The following TRAF3 variants were observed in gnomAD, a reference collection of about 807,000 sequenced individuals.
TRAF3 encodes the protein TNF receptor-associated factor 3.
In TRAF3, 13 loss-of-function variants were observed where a neutral mutation model predicts 62.3. The ratio of observed to expected loss-of-function variants is 0.21; its 90% CI spans 0.14 to 0.33. TRAF3 has a LOEUF of 0.33. Among genes scored for constraint, TRAF3 ranks in the 10% least tolerant of loss-of-function variants. The probability of loss-of-function intolerance (pLI) is 1.00; values close to 1 mark genes in which losing one functional copy is unlikely to be tolerated. For synonymous variants in TRAF3, 269 were observed against 283.4 expected (o/e 0.95, Z 0.51); for missense variants, 440 against 741.8 (o/e 0.59, Z 4.73).
Position 102,886,108 on chromosome 14 carries a change from G to C in TRAF3, c.571-81G>C, listed in dbSNP as rs993458217. On this transcript the variant is annotated intron_variant, in intron 6 of 11. Coordinates refer to ENST00000392745, the MANE Select transcript of TRAF3 (RefSeq NM_145725.3). Reference sequence around the variant, plus strand: ...AGCGATGGTGAGCAGAGCCATTCCTGGGGGCCCCATGGGGATCTCAGCGGG... The same window carrying C: ...AGCGATGGTGAGCAGAGCCATTCCTCGGGGCCCCATGGGGATCTCAGCGGG... 6.3e-6 allele frequency: 9 copies of C among 1,424,546 alleles called. No homozygotes were observed. In the East Asian group the frequency reaches 7.1e-5, roughly 11 times the overall value. 88.2% of individuals were successfully genotyped at this position (1,424,546 alleles called of 1,614,324 possible).
chr14:102,846,970 C>A (rs1312356096), intron 2 of TRAF3, among the ~76,000 whole-genome samples: 1 of 152,118 alleles, frequency 6.6e-6, no homozygotes, highest in African/African-American at 2.4e-5. Flanking sequence ...GTAATAACTT[C>A]ATGAAACGGT....
intron 2 of TRAF3, among the ~76,000 whole-genome samples, chr14:102,848,229 C>T (rs182967226): frequency 3.0e-4 from 46 of 152,182 alleles, no homozygotes; most frequent in Non-Finnish European, 4.6e-4. Flanking sequence ...CCCAAGAGTT[C>T]GATACCAGCC....
At chr14:102,803,538 C>G (rs988331615) in intron 1 of TRAF3, among the ~76,000 whole-genome samples, 1 of 151,770 alleles carries the variant, frequency 6.6e-6, no homozygotes, top group Admixed American at 6.6e-5. Context: ...TTTTAGTTAT[C>G]TAGGACTATA....
chr14:102,903,188 T>A lies in TRAF3; in HGVS notation c.961-67T>A, dbSNP rs752921541. The A allele has an allele frequency of 6.2e-7, 1 of 1,606,910 alleles. No homozygotes were observed. The highest frequency in any genetic ancestry group is 8.5e-7 in the Non-Finnish European group (1 of 1,173,916). On this transcript the variant is annotated intron_variant, in intron 10 of 11. Coordinates refer to ENST00000392745, the MANE Select transcript of TRAF3 (RefSeq NM_145725.3). This position sits in a 1 kb window ranked among gnomAD's most constrained non-coding sequence, Gnocchi z 6.4. ...CTGCTCCTAGCCTGTCTGTATTTGA[T>A]GGAAGGTGGTGCAGCATTTTCCGAG...
At chr14:102,794,979 A>G (rs917070096) in intron 1 of TRAF3, among the ~76,000 whole-genome samples, 2 of 152,182 alleles carry the variant, frequency 1.3e-5, no homozygotes, top group Admixed American at 6.5e-5. Context: ...TTTATTTTAA[A>G]TAATATTGTG....
chr14:102,870,988 C>T (rs1338380233), intron 3 of TRAF3, among the ~76,000 whole-genome samples: 1 of 152,234 alleles, frequency 6.6e-6, no homozygotes, highest in African/African-American at 2.4e-5. Flanking sequence ...TGAAGGCAGG[C>T]TGGAGCTTTA....
At chr14:102,811,016 A>G (rs1446435560) in intron 1 of TRAF3, among the ~76,000 whole-genome samples, 1 of 152,242 alleles carries the variant, frequency 6.6e-6, no homozygotes, top group Non-Finnish European at 1.5e-5. Flanking sequence ...GAGAAAACAC[A>G]TAAAGATAAA....
chr14:102,904,954 A>T (rs1405915859), intron 11 of TRAF3, among the ~76,000 whole-genome samples: 3 of 152,012 alleles, frequency 2.0e-5, no homozygotes, highest in African/African-American at 7.2e-5. Flanking sequence ...CCTACTAAAA[A>T]TACAAAAATT....
rs1433298737 is a variant in TRAF3, at chr14:102,805,059, G to T, written c.-156-25275G>T. Among the ~76,000 whole-genome samples, 3 of 152,122 alleles carry T rather than the reference G, an allele frequency of 2.0e-5. No homozygotes were observed. The East Asian group carries it at 5.8e-4, about 29-fold the overall frequency. On this transcript the variant is annotated intron_variant, in intron 1 of 11. Coordinates refer to ENST00000392745, the MANE Select transcript of TRAF3 (RefSeq NM_145725.3). Reference sequence around the variant, plus strand: ...CACATCTTTAATGCCTTAATTACTTGCCTTCAGTTTTCTTTCCTTTTGGTG... The same window carrying T: ...CACATCTTTAATGCCTTAATTACTTTCCTTCAGTTTTCTTTCCTTTTGGTG...
In TRAF3 at chr14:102,828,683, C is replaced by T. The variant is rs188875745; in HGVS notation, c.-156-1651C>T. 2.6e-3 allele frequency among the ~76,000 whole-genome samples: 394 copies of T among 152,254 alleles called. 2 individuals carry two copies. The highest frequency in any genetic ancestry group is 4.2e-3 in the Non-Finnish European group (287 of 68,016). Reference sequence around the variant, plus strand: ...AGGTAAAGAATTATGATTGAATAGACCTCTTTTGAACCTAAGAAATAAAAC... The same window carrying T: ...AGGTAAAGAATTATGATTGAATAGATCTCTTTTGAACCTAAGAAATAAAAC... On this transcript the variant is annotated intron_variant, in intron 1 of 11. Transcript: ENST00000392745.
At position 102,870,437 on chromosome 14, in the gene TRAF3, C is replaced by A; in HGVS notation, c.236C>A (p.Ala79Asp). 1.9e-6 allele frequency: 3 copies of A among 1,613,612 alleles called. No individual in the cohort carries two copies. The highest frequency in any genetic ancestry group is 2.5e-6 in the Non-Finnish European group (3 of 1,179,932). ...GHRFCESCMA[A>D]LLSSSSPKCT... ...CGCTTCTGCGAGAGCTGCATGGCGG[C>A]CCTGCTGAGGTAGGCGCCCTCGCCC... Residue 79 changes from alanine (A) to aspartate (D), a missense_variant, in exon 3 of 12, where the codon GCC (alanine) becomes GAC (aspartate). By Grantham distance (126) the Ala-to-Asp change is moderately radical. Transcript: ENST00000392745.
At chr14:102,865,981 A>G (rs984157481) in intron 2 of TRAF3, 2 of 152,252 alleles carry the variant, frequency 1.3e-5, no homozygotes, top group African/African-American at 4.8e-5. Context: ...ATGCACACAT[A>G]TGTTTATTGC....
At chr14:102,866,850 A>AACACACACACAC (rs538121314) in intron 2 of TRAF3, among the ~76,000 whole-genome samples, 30 of 132,278 alleles carry the variant, frequency 2.3e-4, no homozygotes, top group East Asian at 1.5e-3. Flanking sequence ...ATCTCTTGAA[A>AACACACACACAC]ACACACACAC....
chr14:102,797,535 G>T (rs1397536446), intron 1 of TRAF3, among the ~76,000 whole-genome samples: 1 of 152,154 alleles, frequency 6.6e-6, no homozygotes, highest in Non-Finnish European at 1.5e-5. Flanking sequence ...GGACAAGATT[G>T]CAGGAGGAGT....
intron 4 of TRAF3, among the ~76,000 whole-genome samples, chr14:102,874,473 G>T (rs1888528550): frequency 6.6e-6 from 1 of 151,986 alleles, no homozygotes; most frequent in Non-Finnish European, 1.5e-5. Context: ...TGGCCAGGCT[G>T]GTCTCAAACT....
intron 9 of TRAF3, among the ~76,000 whole-genome samples, chr14:102,893,465 G>C (rs1432767956): frequency 1.3e-5 from 2 of 151,918 alleles, no homozygotes; most frequent in Non-Finnish European, 2.9e-5. Flanking sequence ...TGCAGCACAT[G>C]GTTATCCAGC....
At position 102,798,348 on chromosome 14, in the gene TRAF3, A is replaced by G. The variant is rs149798142; in HGVS notation, c.-157+20673A>G. Reference sequence around the variant, plus strand: ...GTGATCCTCACTTTCTAAGTTTCCAACATTTTTTGGGCCAGGTACGGTAGC... The same window carrying G: ...GTGATCCTCACTTTCTAAGTTTCCAGCATTTTTTGGGCCAGGTACGGTAGC... On this transcript the variant is annotated intron_variant, in intron 1 of 11. Coordinates refer to ENST00000392745, the MANE Select transcript of TRAF3 (RefSeq NM_145725.3). Among the ~76,000 whole-genome samples the G allele has an allele frequency of 1.4e-3, 220 of 151,940 alleles. 3 individuals carry two copies. The highest frequency in any genetic ancestry group is 5.1e-3 in the African/African-American group (210 of 41,442).
At chr14:102,867,229 T>A (rs1888051529) in intron 2 of TRAF3, among the ~76,000 whole-genome samples, 1 of 152,206 alleles carries the variant, frequency 6.6e-6, no homozygotes, top group South Asian at 2.1e-4. Context: ...ACTGGTAAAC[T>A]CTTTCTGTTA....
At chr14:102,808,411 G>T (rs1283595145) in intron 1 of TRAF3, among the ~76,000 whole-genome samples, 1 of 151,988 alleles carries the variant, frequency 6.6e-6, no homozygotes, top group Non-Finnish European at 1.5e-5. Context: ...TACTCAGGAG[G>T]CTGAGGCAGG....
Sources: gnomAD v4.1 joint callset for allele counts (sites outside exome capture counted in the v4.1 genomes callset) on GRCh38, gnomAD v4.1.1 for gene constraint, Gnocchi (gnomAD v3.1) non-coding constraint, MANE v1.5 for transcripts, NCBI Gene and HGNC (gene_info 2026-07-23, HGNC 2026-07-21) for gene names.